The following C16orf96 variants were observed in gnomAD, a reference collection of about 807,000 sequenced individuals.
C16orf96 encodes uncharacterized protein C16orf96.
In C16orf96, 108 loss-of-function variants were observed where a neutral mutation model predicts 103.6. That is an observed-to-expected ratio of 1.04 (90% CI 0.89 to 1.22). C16orf96 has a LOEUF of 1.22. Ranked by LOEUF, C16orf96 falls within the 50% of genes most tolerant of loss-of-function variation. C16orf96 has a pLI of 0.00. For missense variants in C16orf96, 1,586 were observed against 1,464.2 expected (o/e 1.08, Z -1.36); for synonymous variants, 566 against 593.5 (o/e 0.95, Z 0.67).
At chr16:4,564,269 G>C (rs983143320) in intron 1 of C16orf96, among the ~76,000 whole-genome samples, 4 of 152,110 alleles carry the variant, frequency 2.6e-5, no homozygotes, top group African/African-American at 9.7e-5. Context: ...GTGGACTTCT[G>C]CCCTCCTAAT....
rs1250940342 is a variant in C16orf96, at chr16:4,600,498, C to CCA, written c.*181_*182insCA. On this transcript the variant is annotated 3_prime_UTR_variant, in exon 16 of 16. Coordinates refer to ENST00000444310, the MANE Select transcript of C16orf96 (RefSeq NM_001145011.2). ...AGGCTGAGGCTCATGCGCCCCCCCCCATCCCTACCAAGTCCCCTCCACGTC... is the reference window on the plus strand; with the variant it reads ...AGGCTGAGGCTCATGCGCCCCCCCCCCAATCCCTACCAAGTCCCCTCCACGTC... 96 of 474,570 alleles carry CCA rather than the reference C, an allele frequency of 2.0e-4. 4 individuals are homozygous for CCA. Among genetic ancestry groups the CCA allele is most frequent in the South Asian group, 4.8e-4 (22 of 45,732 alleles). The allele number at this position is 474,570 out of a possible 1,614,324, so 29.4% of individuals were successfully genotyped here. A position where few individuals can be genotyped will look rare whatever the true frequency, so the allele number is the denominator to read the frequency against.
At chr16:4,553,412 C>T (rs1229375571), upstream of C16orf96, among the ~76,000 whole-genome samples, 1 of 152,114 alleles carries the variant, frequency 6.6e-6, no homozygotes, top group Non-Finnish European at 1.5e-5. Context: ...GGGTCTCACT[C>T]TCTTGCCCAG....
Position 4,594,803 on chromosome 16 carries a change from G to A in C16orf96, c.3127G>A (p.Ala1043Thr). Reference protein sequence around the residue: ...QPLAVAKELAAVKAPSPPSQS... With the variant: ...QPLAVAKELATVKAPSPPSQS... ...CTTGGCCGTCGCAAAGGAGCTGGCA[G>A]GTGAGGGGCGTAGGGCTCCCTGGGG... The change falls in exon 14 of 16, where the codon GCT becomes ACT. Residue 1043 changes from alanine (A) to threonine (T), a missense_variant and splice_region_variant. Transcript: ENST00000444310. 6.5e-7 allele frequency: 1 copy of A among 1,550,002 alleles called. No individual in the cohort carries two copies. Among genetic ancestry groups the A allele is most frequent in the Non-Finnish European group, 8.7e-7 (1 of 1,146,828 alleles).
At chr16:4,562,458 T>C (rs1322344311) in intron 1 of C16orf96, among the ~76,000 whole-genome samples, 1 of 38,982 alleles carries the variant, frequency 2.6e-5, no homozygotes, top group Non-Finnish European at 7.0e-5. Context: ...AGCAAGACTG[T>C]GTCAAAAAAA....
At chr16:4,582,392 G>C (rs1896807629) in intron 7 of C16orf96, among the ~76,000 whole-genome samples, 1 of 152,260 alleles carries the variant, frequency 6.6e-6, no homozygotes, top group East Asian at 1.9e-4. Flanking sequence ...GATGCACTGG[G>C]GTGTGTTGGG....
At position 4,578,953 on chromosome 16, in the gene C16orf96, T is replaced by G; in HGVS notation, c.2169T>G (p.Gly723=). 1 of 1,551,100 alleles carries G rather than the reference T, an allele frequency of 6.4e-7. No homozygotes were observed. The highest frequency in any genetic ancestry group is 2.0e-5 in the Admixed American group (1 of 50,922). ...QRLSYLANMG[G]PSSLGTTVDI... ...CTCTGCTTTCAGCCAATATGGGAGG[T>G]CCTTCCAGCCTCGGGACAACAGTGG... The change falls in exon 6 of 16, where the codon GGT becomes GGG. Residue 723 remains glycine, a synonymous_variant. Coordinates refer to ENST00000444310, the MANE Select transcript of C16orf96 (RefSeq NM_001145011.2).
At chr16:4,577,485 C>A (rs189563949) in intron 5 of C16orf96, among the ~76,000 whole-genome samples, 1 of 151,860 alleles carries the variant, frequency 6.6e-6, no homozygotes, top group East Asian at 2.0e-4. Context: ...CCCGTCTCTA[C>A]TAAAAATACA....
At chr16:4,577,246 T>C (rs2059523414) in intron 5 of C16orf96, among the ~76,000 whole-genome samples, 1 of 152,120 alleles carries the variant, frequency 6.6e-6, no homozygotes, top group South Asian at 2.1e-4. Flanking sequence ...AACAGTATTG[T>C]ATTGGCTAAG....
At chr16:4,557,512 A>G (rs2059279075) in intron 1 of C16orf96, among the ~76,000 whole-genome samples, 1 of 152,078 alleles carries the variant, frequency 6.6e-6, no homozygotes, top group Admixed American at 6.6e-5. Context: ...GGAGGAGGAG[A>G]GAATGGGGAG....
chr16:4,583,167 G>A (rs558453981), intron 7 of C16orf96, among the ~76,000 whole-genome samples: 81 of 152,136 alleles, frequency 5.3e-4, no homozygotes, highest in African/African-American at 8.0e-4. Flanking sequence ...GAACCCGGGA[G>A]GCAGAGGTTG....
intron 9 of C16orf96, among the ~76,000 whole-genome samples, chr16:4,590,267 A>T (rs1897026402): frequency 6.6e-6 from 1 of 152,016 alleles, no homozygotes; most frequent in African/African-American, 2.4e-5. Flanking sequence ...TACTTTAAAA[A>T]ACTATTTTTG....
intron 14 of C16orf96, among the ~76,000 whole-genome samples, chr16:4,597,187 C>T (rs1011865955): frequency 6.6e-6 from 1 of 152,162 alleles, no homozygotes; most frequent in Non-Finnish European, 1.5e-5. Flanking sequence ...GAGGACTGGC[C>T]GTTCCAGCCC....
At chr16:4,579,109 C>G (rs968769045) in intron 6 of C16orf96, 84 bp downstream of exon 6, 101 of 1,238,230 alleles carry the variant, frequency 8.2e-5, no homozygotes, top group Non-Finnish European at 1.1e-4. Flanking sequence ...GCCCCCCTCC[C>G]AGGTGCAGCT....
intron 1 of C16orf96, among the ~76,000 whole-genome samples, chr16:4,563,679 C>G (rs1428261822): frequency 6.6e-6 from 1 of 152,050 alleles, no homozygotes; most frequent in Non-Finnish European, 1.5e-5. Context: ...AGCGATTCTC[C>G]TGCTTCAGCT....
At chr16:4,591,877 C>A in intron 10 of C16orf96, 93 bp downstream of exon 10, 2 of 1,009,302 alleles carry the variant, frequency 2.0e-6, no homozygotes, top group Non-Finnish European at 1.5e-6. Context: ...AGATTCCAGA[C>A]CTTTGGATGA....
chr16:4,598,221 G>A (rs1193587667), intron 14 of C16orf96, among the ~76,000 whole-genome samples: 1 of 151,960 alleles, frequency 6.6e-6, no homozygotes, highest in Non-Finnish European at 1.5e-5. Flanking sequence ...GCATAGTGAG[G>A]CTCCCTGCAG....
chr16:4,557,258 C>T (rs1226303227), intron 1 of C16orf96, among the ~76,000 whole-genome samples: 1 of 152,138 alleles, frequency 6.6e-6, no homozygotes. Flanking sequence ...GCGTGAGCCA[C>T]TGCGCCCAGC....
chr16:4,596,556 C>G (rs918314484), intron 14 of C16orf96, among the ~76,000 whole-genome samples: 4 of 151,536 alleles, frequency 2.6e-5, no homozygotes, highest in African/African-American at 9.7e-5. Flanking sequence ...GTGGCGTGCG[C>G]CTGTAGTCCC....
At chr16:4,567,622 A>G (rs1299540539) in intron 1 of C16orf96, among the ~76,000 whole-genome samples, 2 of 131,366 alleles carry the variant, frequency 1.5e-5, no homozygotes, top group East Asian at 2.4e-4. Context: ...TCTTTGACAT[A>G]TTTGTCATTT....
Sources: allele counts gnomAD v4.1 joint callset (sites outside exome capture counted in the v4.1 genomes callset), GRCh38; gene constraint gnomAD v4.1.1; transcripts MANE v1.5; gene names NCBI Gene and HGNC (gene_info 2026-07-23, HGNC 2026-07-21).